PTPRN2: variants seen among roughly 807,000 people sequenced by gnomAD.
PTPRN2 encodes receptor-type tyrosine-protein phosphatase N2.
PTPRN2 carries 74 observed loss-of-function variants against 118.8 expected under a neutral mutation model. The ratio of observed to expected loss-of-function variants is 0.62; its 90% CI spans 0.52 to 0.76. PTPRN2 has a LOEUF of 0.76. PTPRN2 is among the 30% of genes least tolerant of loss of function. The probability of loss-of-function intolerance (pLI) is 0.00; values close to 1 mark genes in which losing one functional copy is unlikely to be tolerated. For missense variants in PTPRN2, 1,481 were observed against 1,394.4 expected, an observed-to-expected ratio of 1.06 and a Z score of -0.99; for synonymous variants, 641 against 608.0, an observed-to-expected ratio of 1.05 and a Z score of -0.80.
chr7:157,710,477 G>GCCCCCCCCCCCCCCCCCCCC (rs1343328028), intron 12 of PTPRN2, among the ~76,000 whole-genome samples: 1 of 139,344 alleles, frequency 7.2e-6, no homozygotes, highest in Non-Finnish European at 1.5e-5. Flanking sequence ...CTGCCTAACC[G>GCCCCCCCCCCCCCCCCCCCC]CCCCCACCCC....
At chr7:157,582,456 A>G (rs1800444315) in intron 17 of PTPRN2, among the ~76,000 whole-genome samples, 1 of 152,182 alleles carries the variant, frequency 6.6e-6, no homozygotes, top group South Asian at 2.1e-4. Flanking sequence ...GCGCACTGGC[A>G]CCTCGTGCCT....
intron 12 of PTPRN2, among the ~76,000 whole-genome samples, chr7:157,727,525 T>G (rs1799665856): frequency 6.7e-6 from 1 of 150,202 alleles, no homozygotes. Flanking sequence ...GCTGCCGGGG[T>G]GGGGGGAGGA....
chr7:157,932,505 C>T (rs1247624499), intron 11 of PTPRN2, among the ~76,000 whole-genome samples: 1 of 151,928 alleles, frequency 6.6e-6, no homozygotes, highest in Non-Finnish European at 1.5e-5. Flanking sequence ...GTAGGGGTGA[C>T]TCACTTGAAT....
chr7:157,628,251 T>C (rs1803708828), intron 14 of PTPRN2, among the ~76,000 whole-genome samples: 1 of 152,212 alleles, frequency 6.6e-6, no homozygotes, highest in Admixed American at 6.5e-5. Context: ...GTGTTCACAA[T>C]GTATTACATA....
intron 3 of PTPRN2, among the ~76,000 whole-genome samples, chr7:158,283,150 G>GA (rs1033584153): frequency 2.0e-5 from 3 of 152,042 alleles, no homozygotes; most frequent in South Asian, 2.1e-4. Flanking sequence ...CAACACGCAT[G>GA]AAAAAAAACA....
chr7:158,370,787 G>C (rs1468739070), intron 2 of PTPRN2, among the ~76,000 whole-genome samples: 1 of 152,162 alleles, frequency 6.6e-6, no homozygotes, highest in African/African-American at 2.4e-5. Flanking sequence ...ATCAATAAAG[G>C]CTGGGAGAAC....
intron 12 of PTPRN2, among the ~76,000 whole-genome samples, chr7:157,702,825 T>A (rs1045080705): frequency 1.3e-5 from 2 of 152,162 alleles, no homozygotes; most frequent in African/African-American, 4.8e-5. Context: ...AATCTGCTCC[T>A]CTCTCCTCTG....
chr7:158,070,521 TGG>T (rs1811199607), intron 11 of PTPRN2, among the ~76,000 whole-genome samples: 1 of 125,626 alleles, frequency 8.0e-6, no homozygotes, highest in Admixed American at 8.0e-5. Flanking sequence ...GAGGTGCTCC[TGG>T]TGGTGGAGGT....
chr7:158,082,613 C>T (rs1229114362), intron 10 of PTPRN2, among the ~76,000 whole-genome samples: 4 of 152,222 alleles, frequency 2.6e-5, no homozygotes, highest in East Asian at 3.8e-4. Flanking sequence ...CTTGAATCAG[C>T]GCCTGCTCTG....
intron 12 of PTPRN2, among the ~76,000 whole-genome samples, chr7:157,776,874 TCC>T (rs1803352267): frequency 1.0e-5 from 1 of 97,466 alleles, no homozygotes; most frequent in Non-Finnish European, 2.1e-5. Context: ...CTCCTCCTCC[TCC>T]CTCTCCTCCT....
At chr7:158,539,945 G>A (rs1825886512) in intron 1 of PTPRN2, 1 of 244,986 alleles carries the variant, frequency 4.1e-6, no homozygotes, top group African/African-American at 2.4e-5. Flanking sequence ...GTGACGGCTG[G>A]AACCGGACGG....
rs1165580313 is a variant in PTPRN2, at chr7:158,334,917, C to G, written c.164-17985G>C. Among the ~76,000 whole-genome samples the G allele has an allele frequency of 1.4e-4, 2 of 14,178 alleles. 1 individual carries two copies. Among genetic ancestry groups the G allele is most frequent in the East Asian group, 2.1e-3 (2 of 938 alleles). 9.3% of individuals were successfully genotyped at this position (14,178 alleles called of 152,430 possible). On this transcript the variant is annotated intron_variant, in intron 2 of 22. Coordinates refer to ENST00000389418, the MANE Select transcript of PTPRN2 (RefSeq NM_002847.5). ...GAGGCGTCACTCACACCCACACTCT[C>G]ACCATAAGCGCTGTCGTCCGGAGGC...
intron 12 of PTPRN2, among the ~76,000 whole-genome samples, chr7:157,736,479 G>A (rs551537626): frequency 1.2e-4 from 19 of 152,338 alleles, no homozygotes; most frequent in Non-Finnish European, 2.2e-4. Flanking sequence ...GGGAAAGGCC[G>A]TGTGAGGACA....
chr7:157,741,997 A>T (rs1477779081), intron 12 of PTPRN2, among the ~76,000 whole-genome samples: 1 of 152,204 alleles, frequency 6.6e-6, no homozygotes, highest in African/African-American at 2.4e-5. Flanking sequence ...AGGGACCAAC[A>T]ATCTGACCAG....
intron 11 of PTPRN2, among the ~76,000 whole-genome samples, chr7:158,071,384 C>CAT (rs1554528321): frequency 1.4e-4 from 4 of 27,962 alleles, no homozygotes; most frequent in African/African-American, 3.1e-4. Context: ...TGGAGGTGCT[C>CAT]GTGGTGGAGG....
intron 1 of PTPRN2, among the ~76,000 whole-genome samples, chr7:158,539,036 G>C (rs969234527): frequency 6.6e-6 from 1 of 152,100 alleles, no homozygotes; most frequent in Non-Finnish European, 1.5e-5. Flanking sequence ...CGCTCTGGAG[G>C]GAACGACAAC....
chr7:158,223,275 A>G (rs1243052355), intron 3 of PTPRN2, among the ~76,000 whole-genome samples: 1 of 152,226 alleles, frequency 6.6e-6, no homozygotes, highest in African/African-American at 2.4e-5. Context: ...AATTCCATAA[A>G]TATCTTCCAG....
chr7:158,384,380 A>G (rs547047506), intron 2 of PTPRN2, among the ~76,000 whole-genome samples: 8 of 152,164 alleles, frequency 5.3e-5, no homozygotes, highest in Admixed American at 2.0e-4. Context: ...GTAAACTATT[A>G]ATGCAAGATG....
At chr7:158,319,973 T>TCA (rs757005033) in intron 2 of PTPRN2, among the ~76,000 whole-genome samples, 4,374 of 27,430 alleles carry the variant, frequency 0.16, 1,855 homozygotes, top group Non-Finnish European at 0.24. Flanking sequence ...ACAGCCTCCC[T>TCA]CACACACACA....
Sources: allele counts gnomAD v4.1 joint callset (sites outside exome capture counted in the v4.1 genomes callset), GRCh38; gene constraint gnomAD v4.1.1; transcripts MANE v1.5; gene names NCBI Gene and HGNC (gene_info 2026-07-23, HGNC 2026-07-21).